The following MTAP variants were observed in gnomAD, a reference collection of about 807,000 sequenced individuals.
MTAP encodes S-methyl-5'-thioadenosine phosphorylase.
Under a neutral mutation model 33.6 loss-of-function variants are expected in MTAP, and 33 were observed. The ratio of observed to expected loss-of-function variants is 0.98; its 90% CI spans 0.74 to 1.31. MTAP has a LOEUF of 1.31. Among genes scored for constraint, MTAP ranks in the 40% most tolerant of loss-of-function variants. The pLI, the probability that MTAP is intolerant of heterozygous loss-of-function variation, is 0.00. For synonymous variants in MTAP, 148 were observed against 125.7 expected, an observed-to-expected ratio of 1.18 and a Z score of -1.19; for missense variants, 367 against 360.0, an observed-to-expected ratio of 1.02 and a Z score of -0.16.
intron 1 of MTAP, among the ~76,000 whole-genome samples, chr9:21,916,575 A>C (rs1322066828): frequency 6.6e-6 from 1 of 152,006 alleles, no homozygotes; most frequent in African/African-American, 2.4e-5. Context: ...ATGCCACTGC[A>C]CTCCAGCCTG....
intron 1 of MTAP, among the ~76,000 whole-genome samples, chr9:21,813,506 G>A (rs1377075881): frequency 6.6e-6 from 1 of 152,154 alleles, no homozygotes; most frequent in Admixed American, 6.5e-5. Flanking sequence ...CGGGACACCT[G>A]GTTAGCATTT....
At chr9:21,823,311 G>T (rs1180609862) in intron 4 of MTAP, among the ~76,000 whole-genome samples, 1 of 152,124 alleles carries the variant, frequency 6.6e-6, no homozygotes, top group Non-Finnish European at 1.5e-5. Flanking sequence ...CAGGCATGGT[G>T]GTGACAAAAT....
At chr9:21,811,932 A>G (rs1322941269) in intron 1 of MTAP, 3 of 333,076 alleles carry the variant, frequency 9.0e-6, no homozygotes, top group South Asian at 2.7e-5. Context: ...CCAACCAACA[A>G]AGTAGCTGCT....
Position 21,818,164 on chromosome 9 carries a change from G to A in MTAP, c.309G>A (p.Gln103=). 6.2e-7 allele frequency: 1 copy of A among 1,613,948 alleles called. No homozygotes were observed. The highest frequency in any genetic ancestry group is 8.5e-7 in the Non-Finnish European group (1 of 1,179,980). The stretch of plus-strand genomic sequence containing the variant: ...GTGGCTCCTTGAGGGAGGAGATTCA[G>A]CCCGGCGATATTGTCATTATTGATC... The part of the protein sequence containing the change: ...TACGSLREEI[Q]PGDIVIIDQF... Residue 103 remains glutamine (Q), a synonymous_variant, in exon 4 of 8, where the codon CAG becomes CAA. Transcript: ENST00000644715.
chr9:21,846,090 C>T (rs971573974), intron 5 of MTAP, among the ~76,000 whole-genome samples: 9 of 152,120 alleles, frequency 5.9e-5, no homozygotes, highest in Admixed American at 6.5e-5. Flanking sequence ...GGATCTTCAT[C>T]TCTCATATAA....
intron 1 of MTAP, among the ~76,000 whole-genome samples, chr9:21,910,122 C>T (rs1183322816): frequency 6.6e-6 from 1 of 151,990 alleles, no homozygotes; most frequent in African/African-American, 2.4e-5. Flanking sequence ...GTAGCAATCA[C>T]CATTGTATAA....
Position 21,916,721 on chromosome 9 carries a change from G to A in MTAP, c.148-14287G>A, listed in dbSNP as rs140942020. ...AAGCCAAGAAATCCCTGATGTCACT[G>A]ACACTAGATGTACCAGATCTAGAAA... On this transcript the variant is annotated intron_variant, in intron 1 of 1. Coordinates refer to the MTAP transcript ENST00000577563. Among the ~76,000 whole-genome samples, 3 of 152,248 alleles carry A rather than the reference G, an allele frequency of 2.0e-5. No individual in the cohort carries two copies. In the East Asian group the frequency reaches 5.8e-4, roughly 29 times the overall value.
chr9:21,900,279 C>A (rs1818369309), intron 1 of MTAP, among the ~76,000 whole-genome samples: 2 of 152,060 alleles, frequency 1.3e-5, no homozygotes, highest in South Asian at 4.1e-4. Context: ...GTAAGCTATG[C>A]AACTGACTCT....
At chr9:21,914,449 C>T (rs1042592941) in intron 1 of MTAP, among the ~76,000 whole-genome samples, 13 of 152,026 alleles carry the variant, frequency 8.6e-5, no homozygotes, top group East Asian at 3.8e-4. Context: ...TACTATGCAG[C>T]CATAAAAAAG....
At chr9:21,857,208 A>G (rs1259911671) in intron 6 of MTAP, among the ~76,000 whole-genome samples, 1 of 152,210 alleles carries the variant, frequency 6.6e-6, no homozygotes, top group Non-Finnish European at 1.5e-5. Flanking sequence ...GTCAGTGTCT[A>G]TACAGAAATA....
intron 1 of MTAP, among the ~76,000 whole-genome samples, chr9:21,902,004 C>G (rs1207233298): frequency 1.3e-5 from 2 of 152,100 alleles, no homozygotes; most frequent in Non-Finnish European, 2.9e-5. Flanking sequence ...ACATGAAATC[C>G]CTAAGTAGAA....
At chr9:21,895,876 T>A (rs971840113) in intron 1 of MTAP, among the ~76,000 whole-genome samples, 4 of 152,138 alleles carry the variant, frequency 2.6e-5, no homozygotes, top group Non-Finnish European at 5.9e-5. Context: ...AGATTCCACC[T>A]CTGGGAATTG....
intron 1 of MTAP, among the ~76,000 whole-genome samples, chr9:21,887,144 G>T (rs1444367438): frequency 2.0e-5 from 3 of 152,064 alleles, no homozygotes; most frequent in South Asian, 2.1e-4. Flanking sequence ...AAATTTTAGG[G>T]TACATGTGCA....
At chr9:21,882,220 A>G (rs1308610407) in intron 1 of MTAP, among the ~76,000 whole-genome samples, 1 of 151,934 alleles carries the variant, frequency 6.6e-6, no homozygotes, top group Non-Finnish European at 1.5e-5. Flanking sequence ...TAAACACAAG[A>G]CGAACAACTG....
Position 21,859,307 on chromosome 9 carries a change from C to G in MTAP, c.695C>G (p.Ser232Trp). Residue 232 changes from serine to tryptophan, a missense_variant, in exon 7 of 8, where the codon TCG (serine) becomes TGG (tryptophan). By Grantham distance (177) the Ser-to-Trp change is radical (BLOSUM62 -3). Coordinates refer to ENST00000644715, the MANE Select transcript of MTAP (RefSeq NM_002451.4). ...DCWKEHEEAV[S>W]VDRVLKTLKE... ...CCAGTGCTATTGTTTCTCTAGGTTT[C>G]GGTGGACCGGGTCTTAAAGACCCTG... The G allele has an allele frequency of 6.2e-7, 1 of 1,607,532 alleles. No individual in the cohort carries two copies. Among genetic ancestry groups the G allele is most frequent in the Non-Finnish European group, 8.5e-7 (1 of 1,177,950 alleles).
At chr9:21,833,397 C>G (rs1239905283) in intron 4 of MTAP, among the ~76,000 whole-genome samples, 3 of 152,116 alleles carry the variant, frequency 2.0e-5, no homozygotes, top group African/African-American at 7.2e-5. Context: ...GTTGCCTGGG[C>G]TGATCTTGAA....
chr9:21,935,368 C>T (rs976781284), downstream of MTAP: 4 of 151,182 alleles, frequency 2.6e-5, no homozygotes, highest in Admixed American at 2.0e-4. Flanking sequence ...ATGTGGGAGA[C>T]ACGTCTTCAA....
At chr9:21,859,590 A>G in intron 7 of MTAP, 165 bp downstream of exon 7, 1 of 682,336 alleles carries the variant, frequency 1.5e-6, no homozygotes. Flanking sequence ...TGTGAAACTG[A>G]GTAGTCTTAT....
At chr9:21,925,536 G>A (rs541934141) in intron 1 of MTAP, among the ~76,000 whole-genome samples, 2 of 152,340 alleles carry the variant, frequency 1.3e-5, no homozygotes, top group African/African-American at 2.4e-5. Context: ...CCCTCTCCAA[G>A]TTGCCCTCAG....
Sources: gnomAD v4.1 joint callset for allele counts (sites outside exome capture counted in the v4.1 genomes callset) on GRCh38, gnomAD v4.1.1 for gene constraint, MANE v1.5 for transcripts, NCBI Gene and HGNC (gene_info 2026-07-23, HGNC 2026-07-21) for gene names.